UPK3A: variants seen among roughly 807,000 people sequenced by gnomAD.
UPK3A encodes uroplakin-3a.
In UPK3A, 32 loss-of-function variants were observed where a neutral mutation model predicts 27.6. The observed-to-expected ratio is 1.16, with a 90% CI of 0.87 to 1.55. The LOEUF is 1.55. UPK3A is among the 40% of genes most tolerant of loss of function. The pLI is 0.00. For missense variants in UPK3A, 370 were observed against 367.9 expected (o/e 1.01, Z -0.05); for synonymous variants, 171 against 163.9 (o/e 1.04, Z -0.33).
intron 5 of UPK3A, among the ~76,000 whole-genome samples, chr22:45,294,231 C>T (rs1381265874): frequency 1.3e-5 from 2 of 152,030 alleles, no homozygotes; most frequent in Non-Finnish European, 2.9e-5. Context: ...AAGGGTGGAG[C>T]AGATAGGAAA....
chr22:45,286,235 T>C, intron 2 of UPK3A, 139 bp downstream of exon 2: 2 of 1,155,236 alleles, frequency 1.7e-6, no homozygotes, highest in Non-Finnish European at 2.5e-6. Flanking sequence ...AGACCTGTCC[T>C]TGCCTTGCAG....
chr22:45,295,748 C>T lies in UPK3A; in HGVS notation c.*29C>T, dbSNP rs1375629956. The T allele has an allele frequency of 6.2e-7, 1 of 1,612,882 alleles. No individual in the cohort carries two copies. Among genetic ancestry groups the T allele is most frequent in the South Asian group, 1.1e-5 (1 of 91,064 alleles). On this transcript the variant is annotated 3_prime_UTR_variant, in exon 6 of 6. Transcript: ENST00000216211. ...CAGCACCACCCCTGGGCAGCAGCAT[C>T]CTCCTCTCTGGCCTTGCCCCAGGCC...
At position 45,289,164 on chromosome 22, in the gene UPK3A, G is replaced by A. The variant is rs769454172; in HGVS notation, c.571+21G>A. The A allele has an allele frequency of 6.2e-6, 10 of 1,612,894 alleles. No individual in the cohort carries two copies. In the Admixed American group the frequency reaches 1.5e-4, roughly 24 times the overall value. ...CCAGCGTAAGTGGTGGGCAGTGGTG[G>A]TGGTGATGCTCAAGGGGACCCGAGA... On this transcript the variant is annotated intron_variant, in intron 4 of 5. Coordinates refer to ENST00000216211, the MANE Select transcript of UPK3A (RefSeq NM_006953.4).
At position 45,287,165 on chromosome 22, in the gene UPK3A, T is replaced by G. The variant is rs764764664; in HGVS notation, c.209-7T>G. 3 of 1,613,990 alleles carry G rather than the reference T, an allele frequency of 1.9e-6. No homozygotes were observed. In the Admixed American group the frequency reaches 5.0e-5, roughly 27 times the overall value. ...CAGAAGCCTGACTCCCTGCACCGCC[T>G]CTGCAGCCATTTCCAGGAATGCCTC... On this transcript the variant is annotated splice_region_variant and splice_polypyrimidine_tract_variant and intron_variant, in intron 2 of 5. Transcript: ENST00000216211.
chr22:45,288,145 C>A (rs1451723589), intron 3 of UPK3A, among the ~76,000 whole-genome samples: 2 of 152,106 alleles, frequency 1.3e-5, no homozygotes, highest in Non-Finnish European at 2.9e-5. Flanking sequence ...AAAGCTGGGG[C>A]CCAGCATGAA....
At chr22:45,293,413 C>T in intron 5 of UPK3A, 100 bp downstream of exon 5, 2 of 1,510,266 alleles carry the variant, frequency 1.3e-6, no homozygotes, top group East Asian at 2.3e-5. Context: ...CAGGGGACAG[C>T]CCGGAAGGCA....
intron 2 of UPK3A, 37 bp downstream of exon 2, chr22:45,286,133 G>GGC (rs2084116672): frequency 1.2e-6 from 2 of 1,613,094 alleles, no homozygotes; most frequent in Non-Finnish European, 1.7e-6. Context: ...CTCCAAAAGG[G>GGC]GCTCTGACCT....
At chr22:45,288,200 C>CTT (rs71656956) in intron 3 of UPK3A, among the ~76,000 whole-genome samples, 3,775 of 146,672 alleles carry the variant, frequency 0.026, 99 homozygotes, top group East Asian at 0.1. Flanking sequence ...TCAACTTCTG[C>CTT]TTTTTTTTTT....
At chr22:45,288,344 C>T (rs1350973595) in intron 3 of UPK3A, among the ~76,000 whole-genome samples, 2 of 151,750 alleles carry the variant, frequency 1.3e-5, no homozygotes, top group African/African-American at 4.8e-5. Flanking sequence ...TACAGGCGCC[C>T]CCACCACGCC....
chr22:45,295,272 T>C (rs2084187338), intron 5 of UPK3A, among the ~76,000 whole-genome samples: 1 of 152,212 alleles, frequency 6.6e-6, no homozygotes, highest in Non-Finnish European at 1.5e-5. Flanking sequence ...TTGCAGTCAG[T>C]CTGCCCCTGC....
rs943717878 is a variant in UPK3A, at chr22:45,285,818, C to T, written c.53-123C>T. 20 of 1,380,642 alleles carry T rather than the reference C, an allele frequency of 1.4e-5. No homozygotes were observed. The East Asian group carries it at 1.5e-4, about 10-fold the overall frequency. The allele number at this position is 1,380,642 out of a possible 1,614,324, so 85.5% of individuals were successfully genotyped here. A position where few individuals can be genotyped will look rare whatever the true frequency, so the allele number is the denominator to read the frequency against. On this transcript the variant is annotated intron_variant, in intron 1 of 5. Transcript: ENST00000216211. ...GGGGCAGTGTCTGAGACAGCTTATG[C>T]GGTGGCCCAGGGGGAGGGTGAAGCC...
intron 2 of UPK3A, among the ~76,000 whole-genome samples, chr22:45,286,783 G>A (rs575928980): frequency 4.6e-5 from 7 of 152,218 alleles, no homozygotes; most frequent in East Asian, 1.9e-4. Context: ...AGAGTGAGTT[G>A]TCCAAGGTCA....
Position 45,294,811 on chromosome 22 carries a change from C to A in UPK3A, c.705-749C>A, listed in dbSNP as rs151155016. ...TACCATCGCTCCAGATACTCCTCAG[C>A]CCTTCCTGCCTCACACCCACCATGT... On this transcript the variant is annotated intron_variant, in intron 5 of 5. Coordinates refer to ENST00000216211, the MANE Select transcript of UPK3A (RefSeq NM_006953.4). Among the ~76,000 whole-genome samples, 80 of 152,122 alleles carry A rather than the reference C, an allele frequency of 5.3e-4. No individual in the cohort carries two copies. The East Asian group carries it at 0.014, about 26-fold the overall frequency.
chr22:45,289,112 C>A lies in UPK3A; in HGVS notation c.540C>A (p.Thr180=). 6.2e-7 allele frequency: 1 copy of A among 1,614,004 alleles called. No homozygotes were observed. Among genetic ancestry groups the A allele is most frequent in the Non-Finnish European group, 8.5e-7 (1 of 1,180,016 alleles). The change falls in exon 4 of 6, where the codon ACC becomes ACA. Residue 180 remains threonine (T), a synonymous_variant. Transcript: ENST00000216211. ...CCACGGGCTTGGTAGAGGACCAGACCCTGTGGTCAGACCCCATCCGCACCA... is the reference window on the plus strand; with the variant it reads ...CCACGGGCTTGGTAGAGGACCAGACACTGTGGTCAGACCCCATCCGCACCA... ...NMSTGLVEDQ[T]LWSDPIRTNQ...
chr22:45,294,415 C>T (rs548860264), intron 5 of UPK3A, among the ~76,000 whole-genome samples: 10 of 151,198 alleles, frequency 6.6e-5, no homozygotes, highest in Non-Finnish European at 1.5e-4. Context: ...CCTGGTACAC[C>T]CCCCCCGGGA....
At chr22:45,292,093 C>A (rs2084165906) in intron 4 of UPK3A, among the ~76,000 whole-genome samples, 1 of 152,204 alleles carries the variant, frequency 6.6e-6, no homozygotes, top group Non-Finnish European at 1.5e-5. Flanking sequence ...GACTAAGAGT[C>A]CTGAGCCCAA....
chr22:45,289,233 C>T, intron 4 of UPK3A, 90 bp downstream of exon 4: 1 of 1,313,370 alleles, frequency 7.6e-7, no homozygotes, highest in Non-Finnish European at 1.1e-6. Context: ...CTCCTCTGTC[C>T]CTGTGAAAGC....
At chr22:45,289,012 T>G (rs1420434439) in intron 3 of UPK3A, 49 bp from the exon 4 acceptor site, 6 of 1,580,834 alleles carry the variant, frequency 3.8e-6, no homozygotes, top group Non-Finnish European at 5.2e-6. Context: ...TCCCTGTGGG[T>G]GGGGCTCACA....
rs769130651 is a variant in UPK3A at position 45,286,082 on chromosome 22, T to A, written c.194T>A (p.Val65Asp). 12 of 1,614,168 alleles carry A rather than the reference T, an allele frequency of 7.4e-6. No homozygotes were observed. The highest frequency in any genetic ancestry group is 3.3e-4 in the Middle Eastern group (2 of 6,062). Reference protein sequence around the residue: ...LTGTHEVYLYVLVDSAISRNA... With the variant: ...LTGTHEVYLYDLVDSAISRNA... ...GGCACCCACGAGGTCTACCTGTATGTCCTGGTCGACTCAGGTAAGGGTCCT... is the reference window on the plus strand; with the variant it reads ...GGCACCCACGAGGTCTACCTGTATGACCTGGTCGACTCAGGTAAGGGTCCT... The change falls in exon 2 of 6, where the codon GTC becomes GAC. Residue 65 changes from valine to aspartate, a missense_variant. Val to Asp is a radical substitution (Grantham distance 152). Transcript: ENST00000216211.
Sources: gnomAD v4.1 joint callset for allele counts (sites outside exome capture counted in the v4.1 genomes callset) on GRCh38, gnomAD v4.1.1 for gene constraint, MANE v1.5 for transcripts, NCBI Gene and HGNC (gene_info 2026-07-23, HGNC 2026-07-21) for gene names.